FAM185A: variants seen among roughly 807,000 people sequenced by gnomAD.
FAM185A encodes protein FAM185A.
Under a neutral mutation model 45.7 loss-of-function variants are expected in FAM185A, and 21 were observed. The ratio of observed to expected loss-of-function variants is 0.46; its 90% CI spans 0.33 to 0.66. The LOEUF (loss-of-function observed/expected upper bound fraction) is 0.66, where lower values mean the gene tolerates loss of function less well. Ranked by LOEUF, FAM185A falls within the 30% of genes least tolerant of loss-of-function variation. The pLI is 0.03. For synonymous variants in FAM185A, 117 were observed against 194.0 expected (o/e 0.60, Z 3.30); for missense variants, 305 against 485.4 (o/e 0.63, Z 3.49).
chr7:102,820,302 T>C, the FAM185A span, among the ~76,000 whole-genome samples: 1 of 152,222 alleles, frequency 6.6e-6, no homozygotes, highest in South Asian at 2.1e-4. Flanking sequence ...TTCTTGTGCA[T>C]AGGGACAGCC....
the FAM185A span, among the ~76,000 whole-genome samples, chr7:102,832,462 C>T: frequency 6.6e-6 from 1 of 152,310 alleles, no homozygotes; most frequent in African/African-American, 2.4e-5. Flanking sequence ...GATTTAATAA[C>T]TTGTAAAACA....
At chr7:102,822,557 C>A in the FAM185A span, 1 of 431,120 alleles carries the variant, frequency 2.3e-6, no homozygotes, top group Non-Finnish European at 4.6e-6. Context: ...TCCCAAAGGC[C>A]CCACTTTCTA....
At chr7:102,785,090 G>A (rs184794418) in intron 6 of FAM185A, among the ~76,000 whole-genome samples, 1 of 152,072 alleles carries the variant, frequency 6.6e-6, no homozygotes, top group African/African-American at 2.4e-5. Context: ...TTGCTTCAAA[G>A]AGAATAAAAT....
chr7:102,848,561 A>AG, the FAM185A span, among the ~76,000 whole-genome samples: 1 of 33,630 alleles, frequency 3.0e-5, no homozygotes, highest in Non-Finnish European at 4.7e-5. Context: ...GTCTCAAAAA[A>AG]AAAAAAAAAA....
At chr7:102,806,550 T>C (rs1315845854) in intron 7 of FAM185A, among the ~76,000 whole-genome samples, 3 of 119,928 alleles carry the variant, frequency 2.5e-5, no homozygotes, top group Non-Finnish European at 4.9e-5. Context: ...CAAGTTTTTG[T>C]TTGTTTGTTT....
chr7:102,791,603 G>A (rs1461692426), intron 7 of FAM185A, among the ~76,000 whole-genome samples: 3 of 152,220 alleles, frequency 2.0e-5, no homozygotes, highest in Non-Finnish European at 4.4e-5. Context: ...GTTCACAGTG[G>A]AAGAATCTAG....
In FAM185A at chr7:102,785,111, T is replaced by C. The variant is rs1214354987; in HGVS notation, c.932-2224T>C. ...CAAAGAGAATAAAATACCTAGGAAT[T>C]CAACTTACAAGGGACGTGAAGGACC... On this transcript the variant is annotated intron_variant, in intron 6 of 7. Coordinates refer to ENST00000413034, the MANE Select transcript of FAM185A (RefSeq NM_001145268.2). 1.4e-4 allele frequency among the ~76,000 whole-genome samples: 21 copies of C among 152,070 alleles called. No individual in the cohort carries two copies. In the East Asian group the frequency reaches 3.1e-3, roughly 22 times the overall value.
intron 7 of FAM185A, among the ~76,000 whole-genome samples, chr7:102,803,775 CA>C (rs925275296): frequency 6.6e-6 from 1 of 152,026 alleles, no homozygotes; most frequent in Non-Finnish European, 1.5e-5. Flanking sequence ...TTGTTTACCT[CA>C]AAAACCCTAA....
the FAM185A span, among the ~76,000 whole-genome samples, chr7:102,818,923 G>T: frequency 1.8e-4 from 28 of 152,050 alleles, no homozygotes; most frequent in Admixed American, 1.4e-3. Flanking sequence ...GTATCTATTA[G>T]TTATTCTTCC....
chr7:102,799,462 A>ATG (rs1186620932), intron 7 of FAM185A, among the ~76,000 whole-genome samples: 1 of 152,272 alleles, frequency 6.6e-6, no homozygotes, highest in Non-Finnish European at 1.5e-5. Context: ...AAAAGATCAG[A>ATG]TGGTACAAAG....
In FAM185A at chr7:102,758,459, T is replaced by TTTTTA. The variant is rs1554364935; in HGVS notation, c.654+513_654+514insTTTTA. On this transcript the variant is annotated intron_variant, in intron 3 of 7. Coordinates refer to ENST00000413034, the MANE Select transcript of FAM185A (RefSeq NM_001145268.2). ...TTTTTTTTTTTTTTTTTTTTTTTTT[T>TTTTTA]ATAGTAGCTATTGGGATTTTTGTTG... is the stretch of plus-strand genomic sequence containing the variant. Among the ~76,000 whole-genome samples the TTTTTA allele has an allele frequency of 5.7e-4, 61 of 107,452 alleles. 13 individuals are homozygous for TTTTTA. Among genetic ancestry groups the TTTTTA allele is most frequent in the African/African-American group, 1.5e-3 (41 of 27,500 alleles). 70.5% of individuals were successfully genotyped at this position (107,452 alleles called of 152,430 possible). A position where few individuals can be genotyped will look rare whatever the true frequency, so the allele number is the denominator to read the frequency against.
At chr7:102,781,228 C>T (rs918363363) in intron 6 of FAM185A, among the ~76,000 whole-genome samples, 1 of 152,220 alleles carries the variant, frequency 6.6e-6, no homozygotes, top group Admixed American at 6.5e-5. Flanking sequence ...GTAGACTCCA[C>T]ATCTGGGGGC....
At chr7:102,839,488 G>A in the FAM185A span, among the ~76,000 whole-genome samples, 1 of 152,162 alleles carries the variant, frequency 6.6e-6, no homozygotes, top group Non-Finnish European at 1.5e-5. Context: ...CACAGGTGTG[G>A]AGGGGCTGGC....
intron 7 of FAM185A, among the ~76,000 whole-genome samples, chr7:102,798,995 G>A (rs71570384): frequency 9.2e-5 from 14 of 152,196 alleles, no homozygotes; most frequent in Non-Finnish European, 2.1e-4. Context: ...TGATCCGCCC[G>A]CCCTGACCTC....
rs144414863 is a variant in FAM185A, at chr7:102,796,404, A to G, written c.1066+8935A>G. Among the ~76,000 whole-genome samples, 628 of 152,308 alleles carry G rather than the reference A, an allele frequency of 4.1e-3. 3 individuals carry two copies. The highest frequency in any genetic ancestry group is 0.014 in the African/African-American group (596 of 41,564). ...CATGACTCCTAAACCACAATTTCTA[A>G]TCTTTTGGCTAATTTGTTGTCCTGA... is the stretch of plus-strand genomic sequence containing the variant. On this transcript the variant is annotated intron_variant, in intron 7 of 7. Transcript: ENST00000413034.
chr7:102,791,156 G>A (rs1191679338), intron 7 of FAM185A, among the ~76,000 whole-genome samples: 2 of 151,942 alleles, frequency 1.3e-5, no homozygotes, highest in African/African-American at 4.8e-5. Flanking sequence ...GGACAGTTTG[G>A]ATTTTATATT....
At position 102,772,413 on chromosome 7, in the gene FAM185A, TATAAC is replaced by T. The variant is rs1794805802; in HGVS notation, c.801_805del (p.Leu269LysfsTer5). 2.6e-6 allele frequency: 4 copies of T among 1,542,704 alleles called. No homozygotes were observed. The highest frequency in any genetic ancestry group is 3.5e-6 in the Non-Finnish European group (4 of 1,143,142). ...GTATCTTTTTCTTTTTGGCAGGTAA[TATAAC>T]ATTACAAAGCAAGATGGGTAACATC... On this transcript the variant is annotated frameshift_variant, in exon 5 of 8. Transcript: ENST00000413034. LOFTEE classifies it high-confidence loss of function.
chr7:102,813,515 T>A (rs1479945673), downstream of FAM185A: 1 of 1,613,926 alleles, frequency 6.2e-7, no homozygotes, highest in Non-Finnish European at 8.5e-7. Flanking sequence ...TTAGATGACA[T>A]TCTTTGAGCT....
At chr7:102,771,204 A>G (rs1794723808) in intron 4 of FAM185A, among the ~76,000 whole-genome samples, 1 of 152,052 alleles carries the variant, frequency 6.6e-6, no homozygotes, top group Admixed American at 6.6e-5. Flanking sequence ...ACTGGAGTCT[A>G]CTAGATGGGG....
Sources: allele counts gnomAD v4.1 joint callset (sites outside exome capture counted in the v4.1 genomes callset), GRCh38; gene constraint gnomAD v4.1.1; transcripts MANE v1.5; gene names NCBI Gene and HGNC (gene_info 2026-07-23, HGNC 2026-07-21).